Variants in CHN1 observed in about 807,000 individuals in gnomAD.
CHN1 encodes the protein N-chimaerin.
In CHN1, 37 loss-of-function variants were observed where a neutral mutation model predicts 59.5. The observed-to-expected ratio is 0.62, with a 90% CI of 0.48 to 0.82. CHN1 has a LOEUF of 0.82. CHN1 is among the 40% of genes least tolerant of loss of function. The probability of loss-of-function intolerance (pLI) is 0.00; values close to 1 mark genes in which losing one functional copy is unlikely to be tolerated. For missense variants in CHN1, 469 were observed against 571.0 expected (o/e 0.82, Z 1.82); for synonymous variants, 206 against 200.4 (o/e 1.03, Z -0.24).
At position 174,884,563 on chromosome 2, in the gene CHN1, A is replaced by G. The variant is rs140653039; in HGVS notation, c.261-6435T>C. ...ACAAAGGGGTTTTGTATTATTTACT[A>G]AAGTTGAATATATACATACCCTACA... On this transcript the variant is annotated intron_variant, in intron 5 of 12. Transcript: ENST00000409900. 6.2e-4 allele frequency among the ~76,000 whole-genome samples: 95 copies of G among 152,328 alleles called. 2 individuals are homozygous for G. The East Asian group carries it at 0.017, about 28-fold the overall frequency.
chr2:174,946,463 G>C lies in CHN1; in HGVS notation c.59-1520C>G, dbSNP rs1044855304. Among the ~76,000 whole-genome samples, 5 of 152,280 alleles carry C rather than the reference G, an allele frequency of 3.3e-5. No individual in the cohort carries two copies. The South Asian group carries it at 1.0e-3, about 32-fold the overall frequency. On this transcript the variant is annotated intron_variant, in intron 2 of 12. Transcript: ENST00000409900. ...CAGGAATGTTTAAATTCTACTGGTA[G>C]AAATGTATTCCTTTACCTTTTTCTC...
At chr2:174,931,006 G>A (rs1332837584) in intron 3 of CHN1, among the ~76,000 whole-genome samples, 1 of 151,996 alleles carries the variant, frequency 6.6e-6, no homozygotes, top group African/African-American at 2.4e-5. Context: ...CTGACCTCGT[G>A]ATCTGCCCGC....
chr2:174,844,417 G>C (rs561608653), intron 7 of CHN1, among the ~76,000 whole-genome samples: 3 of 152,248 alleles, frequency 2.0e-5, no homozygotes, highest in South Asian at 2.1e-4. Flanking sequence ...ACAGCTGTTC[G>C]ATTCCACAGA....
At chr2:174,922,569 T>C (rs1339418531) in intron 3 of CHN1, among the ~76,000 whole-genome samples, 1 of 152,118 alleles carries the variant, frequency 6.6e-6, no homozygotes, top group Non-Finnish European at 1.5e-5. Context: ...CACATGCCTG[T>C]AGTCCTAGCT....
intron 1 of CHN1, among the ~76,000 whole-genome samples, chr2:174,962,616 G>C (rs1168723300): frequency 6.9e-6 from 1 of 144,844 alleles, no homozygotes; most frequent in East Asian, 2.1e-4. Context: ...TCATGGTATG[G>C]CTGGGCACGG....
intron 6 of CHN1, among the ~76,000 whole-genome samples, chr2:174,877,027 G>A (rs1282933005): frequency 6.6e-6 from 1 of 152,100 alleles, no homozygotes; most frequent in Non-Finnish European, 1.5e-5. Flanking sequence ...AAAATGAATT[G>A]ACACAGTTCC....
chr2:174,858,035 G>A (rs1192110150), intron 6 of CHN1, among the ~76,000 whole-genome samples: 1 of 152,026 alleles, frequency 6.6e-6, no homozygotes. Flanking sequence ...TCAAGTTATT[G>A]CATCTCAGCA....
chr2:174,904,528 AC>A (rs1390609537), intron 5 of CHN1, among the ~76,000 whole-genome samples: 1 of 151,810 alleles, frequency 6.6e-6, no homozygotes, highest in Non-Finnish European at 1.5e-5. Context: ...AGCTGGGATT[AC>A]AGGCATGCAC....
At chr2:174,937,124 ATTGTT>A (rs1259480696) in intron 3 of CHN1, among the ~76,000 whole-genome samples, 1 of 152,194 alleles carries the variant, frequency 6.6e-6, no homozygotes, top group Non-Finnish European at 1.5e-5. Flanking sequence ...ATAGTTTATG[ATTGTT>A]TTAATAGTTG....
At chr2:174,866,742 C>G (rs1027179962) in intron 6 of CHN1, among the ~76,000 whole-genome samples, 1 of 152,184 alleles carries the variant, frequency 6.6e-6, no homozygotes, top group Non-Finnish European at 1.5e-5. Context: ...AAAGTGTAGA[C>G]AAGCTTGACT....
intron 1 of CHN1, among the ~76,000 whole-genome samples, chr2:174,978,473 CCT>C (rs1691030163): frequency 6.6e-6 from 1 of 152,184 alleles, no homozygotes; most frequent in South Asian, 2.1e-4. Context: ...GCGTGTGGGC[CCT>C]GAGTGACTGC....
chr2:174,861,406 T>C lies in CHN1; in HGVS notation c.550-14449A>G, dbSNP rs116455255. On this transcript the variant is annotated intron_variant, in intron 6 of 12. Coordinates refer to ENST00000409900, the MANE Select transcript of CHN1 (RefSeq NM_001822.7). ...ACAAGGCTTGGGACAAAGTAGATGC[T>C]AAATAAATGTTAAAAGAATGAGCAA... 8.6e-3 allele frequency among the ~76,000 whole-genome samples: 1,313 copies of C among 152,308 alleles called. 32 individuals carry two copies. Among genetic ancestry groups the C allele is most frequent in the South Asian group, 0.034 (162 of 4,826 alleles).
chr2:174,864,173 C>G (rs916297055), intron 6 of CHN1, among the ~76,000 whole-genome samples: 1 of 151,992 alleles, frequency 6.6e-6, no homozygotes, highest in African/African-American at 2.4e-5. Context: ...ATAATAAACT[C>G]TCTACAGTAA....
chr2:174,835,142 G>A (rs1470119579), intron 7 of CHN1, among the ~76,000 whole-genome samples: 1 of 152,154 alleles, frequency 6.6e-6, no homozygotes, highest in Non-Finnish European at 1.5e-5. Context: ...AATTTATCCA[G>A]ATGTAATCCA....
chr2:174,980,160 A>C (rs1691095129), intron 1 of CHN1, among the ~76,000 whole-genome samples: 1 of 152,150 alleles, frequency 6.6e-6, no homozygotes, highest in Admixed American at 6.5e-5. Flanking sequence ...AGAATAAGAG[A>C]GGCTATTAAT....
In CHN1 at chr2:174,972,280, T is replaced by C. The variant is rs539908065; in HGVS notation, c.20-20078A>G. On this transcript the variant is annotated intron_variant, in intron 1 of 12. Coordinates refer to ENST00000409900, the MANE Select transcript of CHN1 (RefSeq NM_001822.7). ...CTCAAACCATCAAGTCCAAGAAATATCTTCTCTCTGACCCACGGCAGGGTG... is the reference window on the plus strand; with the variant it reads ...CTCAAACCATCAAGTCCAAGAAATACCTTCTCTCTGACCCACGGCAGGGTG... Among the ~76,000 whole-genome samples the C allele has an allele frequency of 9.2e-5, 14 of 152,254 alleles. No individual in the cohort carries two copies. In the South Asian group the frequency reaches 2.9e-3, roughly 32 times the overall value.
chr2:174,982,846 A>T (rs984968272), intron 1 of CHN1, among the ~76,000 whole-genome samples: 2 of 152,220 alleles, frequency 1.3e-5, no homozygotes, highest in African/African-American at 4.8e-5. Context: ...AAAATTTAAA[A>T]CATATTTTAA....
At chr2:174,808,852 G>A in intron 11 of CHN1, 53 bp downstream of exon 11, 2 of 1,589,874 alleles carry the variant, frequency 1.3e-6, no homozygotes, top group South Asian at 2.2e-5. Flanking sequence ...CCAGGAAGGT[G>A]ATTACCAAGA....
At chr2:174,904,900 CAA>C (rs1415103283) in intron 5 of CHN1, among the ~76,000 whole-genome samples, 1 of 152,008 alleles carries the variant, frequency 6.6e-6, no homozygotes, top group Admixed American at 6.6e-5. Context: ...TTTCAGAGGC[CAA>C]AGAGTGTCTG....
Sources: allele counts gnomAD v4.1 joint callset (sites outside exome capture counted in the v4.1 genomes callset), GRCh38; gene constraint gnomAD v4.1.1; transcripts MANE v1.5; gene names NCBI Gene and HGNC (gene_info 2026-07-23, HGNC 2026-07-21).